The following SLC14A2 variants were observed in gnomAD, a reference collection of about 807,000 sequenced individuals.
SLC14A2 encodes urea transporter 2.
SLC14A2 carries 91 observed loss-of-function variants against 104.6 expected under a neutral mutation model. The observed-to-expected ratio is 0.87, with a 90% CI of 0.73 to 1.04. The LOEUF (loss-of-function observed/expected upper bound fraction) is 1.04, where lower values mean the gene tolerates loss of function less well. SLC14A2 is among the 50% of genes least tolerant of loss of function. The pLI, the probability that SLC14A2 is intolerant of heterozygous loss-of-function variation, is 0.00. For synonymous variants in SLC14A2, 476 were observed against 466.4 expected (o/e 1.02, Z -0.27); for missense variants, 1,189 against 1,156.0 (o/e 1.03, Z -0.41).
intron 1 of SLC14A2, among the ~76,000 whole-genome samples, chr18:45,414,760 ATATATATATATATATATATATAT>A (rs2086256612): frequency 3.6e-5 from 2 of 55,270 alleles, no homozygotes; most frequent in African/African-American, 7.0e-5. Flanking sequence ...AAAAAAAAAT[ATATATATATATATATATATATAT>A]ATATATATAT....
intron 2 of SLC14A2, among the ~76,000 whole-genome samples, chr18:45,580,649 T>C (rs1410498413): frequency 1.3e-5 from 2 of 152,220 alleles, no homozygotes; most frequent in Admixed American, 6.5e-5. Context: ...TTAAACTTTT[T>C]TTAATCATAG....
chr18:45,537,106 C>T (rs1210296763), intron 2 of SLC14A2, among the ~76,000 whole-genome samples: 2 of 139,092 alleles, frequency 1.4e-5, no homozygotes, highest in African/African-American at 5.3e-5. Context: ...TTATAGACCA[C>T]CATTATTTGC....
chr18:45,215,137 T>C (rs1325099688), intron 1 of SLC14A2, among the ~76,000 whole-genome samples: 1 of 152,116 alleles, frequency 6.6e-6, no homozygotes, highest in Non-Finnish European at 1.5e-5. Context: ...TACAGTGAGT[T>C]TCTAAAAACC....
intron 1 of SLC14A2, among the ~76,000 whole-genome samples, chr18:45,246,439 T>A (rs1476583338): frequency 1.3e-5 from 2 of 152,218 alleles, no homozygotes; most frequent in African/African-American, 2.4e-5. Flanking sequence ...CAATATTAAA[T>A]AATACATATT....
chr18:45,519,382 C>G (rs2043485468), intron 2 of SLC14A2, among the ~76,000 whole-genome samples: 1 of 152,190 alleles, frequency 6.6e-6, no homozygotes, highest in South Asian at 2.1e-4. Context: ...TGGAATGCTC[C>G]AAGGCCAGGC....
chr18:45,199,813 C>T, the SLC14A2 span, among the ~76,000 whole-genome samples: 1 of 152,266 alleles, frequency 6.6e-6, no homozygotes, highest in African/African-American at 2.4e-5. Context: ...AATGCTCATA[C>T]CTTCAATAGC....
chr18:45,371,819 T>G (rs1416600914), intron 1 of SLC14A2, among the ~76,000 whole-genome samples: 1 of 152,244 alleles, frequency 6.6e-6, no homozygotes, highest in Non-Finnish European at 1.5e-5. Context: ...TTCCAAATAC[T>G]AAACTTTCTA....
chr18:45,618,082 T>C (rs1261565112), intron 1 of SLC14A2, among the ~76,000 whole-genome samples: 1 of 152,106 alleles, frequency 6.6e-6, no homozygotes, highest in East Asian at 1.9e-4. Context: ...GCTCCACAGA[T>C]ACAAGGGTTT....
At chr18:45,260,784 C>T (rs2084527316) in intron 1 of SLC14A2, among the ~76,000 whole-genome samples, 1 of 152,018 alleles carries the variant, frequency 6.6e-6, no homozygotes, top group African/African-American at 2.4e-5. Flanking sequence ...GGGAGCTAAA[C>T]ATTGAATACA....
chr18:45,662,693 T>C lies in SLC14A2; in HGVS notation c.1352-1092T>C, dbSNP rs115817897. ...TGATAATATATAGTGCCCATTCTAT[T>C]CAAGGCACTGCTGAAAAGGCCAAAT... On this transcript the variant is annotated intron_variant, in intron 10 of 19. Coordinates refer to ENST00000255226, the MANE Select transcript of SLC14A2 (RefSeq NM_007163.4). Among the ~76,000 whole-genome samples, 971 of 152,280 alleles carry C rather than the reference T, an allele frequency of 6.4e-3. 4 individuals carry two copies. Among genetic ancestry groups the C allele is most frequent in the Middle Eastern group, 0.017 (5 of 294 alleles).
intron 5 of SLC14A2, among the ~76,000 whole-genome samples, chr18:45,632,976 CAGG>C (rs1467267642): frequency 1.3e-5 from 2 of 152,200 alleles, no homozygotes; most frequent in African/African-American, 4.8e-5. Flanking sequence ...CATGCCCAGC[CAGG>C]AGGATTCTTT....
intron 2 of SLC14A2, among the ~76,000 whole-genome samples, chr18:45,553,451 A>C (rs118013756): frequency 0.029 from 4,439 of 152,234 alleles, 131 homozygotes; most frequent in South Asian, 0.074. Flanking sequence ...ATGGGTGAGG[A>C]TGACAACTGA....
intron 1 of SLC14A2, among the ~76,000 whole-genome samples, chr18:45,428,225 C>T (rs750181502): frequency 8.5e-5 from 13 of 152,216 alleles, no homozygotes; most frequent in African/African-American, 1.2e-4. Flanking sequence ...GGAAGCTAGA[C>T]ATTTACAGGG....
intron 2 of SLC14A2, among the ~76,000 whole-genome samples, chr18:45,605,911 A>G (rs1445242031): frequency 6.6e-6 from 1 of 152,194 alleles, no homozygotes; most frequent in East Asian, 1.9e-4. Context: ...AGGTACATTT[A>G]TCTTTGCAGG....
At chr18:45,257,792 G>C (rs2084495196) in intron 1 of SLC14A2, among the ~76,000 whole-genome samples, 1 of 152,128 alleles carries the variant, frequency 6.6e-6, no homozygotes, top group African/African-American at 2.4e-5. Flanking sequence ...ACCTAGGTTG[G>C]CTAAAGTTCA....
At chr18:45,588,751 G>C (rs971117115) in intron 2 of SLC14A2, among the ~76,000 whole-genome samples, 2 of 152,158 alleles carry the variant, frequency 1.3e-5, no homozygotes, top group Admixed American at 1.3e-4. Flanking sequence ...TACGATAAAA[G>C]CATTAGAGGG....
At chr18:45,511,817 G>C (rs1303708966) in intron 2 of SLC14A2, among the ~76,000 whole-genome samples, 1 of 152,206 alleles carries the variant, frequency 6.6e-6, no homozygotes, top group Non-Finnish European at 1.5e-5. Context: ...TTTGGATGAA[G>C]AGTACAGATC....
chr18:45,398,436 T>A (rs935337017), intron 1 of SLC14A2, among the ~76,000 whole-genome samples: 3 of 152,096 alleles, frequency 2.0e-5, no homozygotes, highest in Non-Finnish European at 4.4e-5. Flanking sequence ...AGGTTTTGCA[T>A]GAAACAATAG....
intron 1 of SLC14A2, among the ~76,000 whole-genome samples, chr18:45,446,231 G>A (rs535242905): frequency 2.5e-4 from 38 of 152,208 alleles, no homozygotes; most frequent in Non-Finnish European, 5.4e-4. Context: ...TGGATAGAAT[G>A]TTTGTGCCCT....
Sources: allele counts gnomAD v4.1 joint callset (sites outside exome capture counted in the v4.1 genomes callset), GRCh38; gene constraint gnomAD v4.1.1; transcripts MANE v1.5; gene names NCBI Gene and HGNC (gene_info 2026-07-23, HGNC 2026-07-21).